Variants in STON2 observed in about 807,000 individuals in gnomAD.
The protein encoded by STON2 is stonin-2.
STON2 carries 29 observed loss-of-function variants against 65.7 expected under a neutral mutation model. The ratio of observed to expected loss-of-function variants is 0.44; its 90% CI spans 0.33 to 0.60. The LOEUF (loss-of-function observed/expected upper bound fraction) is 0.60, where lower values mean the gene tolerates loss of function less well. Ranked by LOEUF, STON2 falls within the 20% of genes least tolerant of loss-of-function variation. The pLI is 0.03. For synonymous variants in STON2, 404 were observed against 414.2 expected (o/e 0.98, Z 0.30); for missense variants, 1,054 against 1,118.1 (o/e 0.94, Z 0.82).
rs1894948243 is a variant in STON2 at position 81,278,236 on chromosome 14, G to A, written c.1246C>T (p.Leu416Phe). Residue 416 changes from leucine (L) to phenylalanine (F), a missense_variant, in exon 6 of 8, where the codon CTC (leucine) becomes TTC (phenylalanine). By Grantham distance (22) the Leu-to-Phe change is conservative. Transcript: ENST00000614646. ...ATGGCATCCTGGTAGATGACAATGA[G>A]GGAATCTCTTTGGCTTTTGCCCGTG... Reference protein sequence around the residue: ...STTGKSQRDSLIVIYQDAISF... With the variant: ...STTGKSQRDSFIVIYQDAISF... 1 of 1,614,144 alleles carries A rather than the reference G, an allele frequency of 6.2e-7. No individual in the cohort carries two copies. Among genetic ancestry groups the A allele is most frequent in the Non-Finnish European group, 8.5e-7 (1 of 1,180,036 alleles).
At chr14:81,316,500 T>C (rs1189652957) in intron 5 of STON2, among the ~76,000 whole-genome samples, 1 of 152,188 alleles carries the variant, frequency 6.6e-6, no homozygotes, top group Non-Finnish European at 1.5e-5. Context: ...CTATACTCAG[T>C]AAGTAATGCT....
chr14:81,431,180 G>C (rs1902210396), intron 1 of STON2, among the ~76,000 whole-genome samples: 1 of 152,206 alleles, frequency 6.6e-6, no homozygotes, highest in South Asian at 2.1e-4. Context: ...CCACCTCTGG[G>C]AAGGTACACA....
intron 3 of STON2, among the ~76,000 whole-genome samples, chr14:81,379,224 C>T (rs1899398158): frequency 6.6e-6 from 1 of 151,984 alleles, no homozygotes; most frequent in Admixed American, 6.6e-5. Flanking sequence ...TTTCTGAAAG[C>T]CAGCAAGAAA....
intron 4 of STON2, among the ~76,000 whole-genome samples, chr14:81,363,513 G>C (rs1898589176): frequency 6.6e-6 from 1 of 151,596 alleles, no homozygotes; most frequent in Non-Finnish European, 1.5e-5. Context: ...AGAGTTTTTT[G>C]GTTTTAATAA....
At chr14:81,420,181 C>T (rs933654726) in intron 2 of STON2, among the ~76,000 whole-genome samples, 4 of 152,162 alleles carry the variant, frequency 2.6e-5, no homozygotes, top group Admixed American at 6.5e-5. Context: ...GTAGTAGCCT[C>T]GGATGGCCGA....
intron 5 of STON2, among the ~76,000 whole-genome samples, chr14:81,301,745 G>GA (rs1895978500): frequency 6.6e-6 from 1 of 152,172 alleles, no homozygotes; most frequent in African/African-American, 2.4e-5. Flanking sequence ...GTGAGAACTG[G>GA]AAAAAATACA....
chr14:81,350,000 T>C (rs774467888), intron 4 of STON2, among the ~76,000 whole-genome samples: 6 of 152,140 alleles, frequency 3.9e-5, no homozygotes, highest in Non-Finnish European at 5.9e-5. Context: ...GGGCAAGTTC[T>C]CACTCATTTG....
chr14:81,388,160 G>T (rs1397335958), intron 3 of STON2, among the ~76,000 whole-genome samples: 1 of 151,660 alleles, frequency 6.6e-6, no homozygotes, highest in Non-Finnish European at 1.5e-5. Context: ...ATGTTGGCCA[G>T]GCTGGTCTCA....
chr14:81,433,652 A>G (rs1050020542), intron 1 of STON2, among the ~76,000 whole-genome samples: 1 of 152,188 alleles, frequency 6.6e-6, no homozygotes, highest in Non-Finnish European at 1.5e-5. Flanking sequence ...GCTACTTCTG[A>G]GCAGACTTTA....
At chr14:81,343,765 A>G (rs904602133) in intron 4 of STON2, among the ~76,000 whole-genome samples, 3 of 152,190 alleles carry the variant, frequency 2.0e-5, no homozygotes, top group African/African-American at 7.2e-5. Flanking sequence ...TATTCCAGGC[A>G]TTTTATGTAC....
intron 5 of STON2, among the ~76,000 whole-genome samples, chr14:81,322,581 C>A (rs973585989): frequency 1.3e-5 from 2 of 152,160 alleles, no homozygotes; most frequent in Non-Finnish European, 2.9e-5. Flanking sequence ...ATTATCACCA[C>A]AGGAACACTG....
At chr14:81,364,759 A>C (rs1898644682) in intron 4 of STON2, among the ~76,000 whole-genome samples, 1 of 152,190 alleles carries the variant, frequency 6.6e-6, no homozygotes, top group Non-Finnish European at 1.5e-5. Flanking sequence ...TGGCCCCAGC[A>C]TCTGGATCTT....
At chr14:81,336,674 G>A (rs1277361477) in intron 4 of STON2, among the ~76,000 whole-genome samples, 1 of 151,828 alleles carries the variant, frequency 6.6e-6, no homozygotes, top group African/African-American at 2.4e-5. Context: ...AGGGAATCAG[G>A]ACCACAAGCA....
chr14:81,423,965 A>T (rs1182197319), intron 2 of STON2, among the ~76,000 whole-genome samples: 2 of 152,166 alleles, frequency 1.3e-5, no homozygotes, highest in Non-Finnish European at 1.5e-5. Flanking sequence ...TGAGGTTTTG[A>T]TACATGAAAT....
intron 3 of STON2, among the ~76,000 whole-genome samples, chr14:81,377,773 T>C (rs968411457): frequency 1.3e-5 from 2 of 152,218 alleles, no homozygotes; most frequent in Non-Finnish European, 2.9e-5. Context: ...ATATTGAATA[T>C]CTTTTCATGT....
chr14:81,263,164 C>T lies in STON2; in HGVS notation c.*5250G>A. The stretch of plus-strand genomic sequence containing the variant: ...CTGTTAAATTGCATTCTGGACATGA[C>T]CTAAGGCTAGCTTGTCCAACCCTTG... On this transcript the variant is annotated 3_prime_UTR_variant, in exon 8 of 8. Transcript: ENST00000614646. The T allele has an allele frequency of 3.0e-6, 3 of 985,318 alleles. No individual in the cohort carries two copies. Among genetic ancestry groups the T allele is most frequent in the Non-Finnish European group, 3.6e-6 (3 of 829,890 alleles). The allele number at this position is 985,318 out of a possible 1,614,324, so 61.0% of individuals were successfully genotyped here.
chr14:81,289,296 T>C (rs529488358), intron 5 of STON2, among the ~76,000 whole-genome samples: 1 of 152,250 alleles, frequency 6.6e-6, no homozygotes, highest in South Asian at 2.1e-4. Flanking sequence ...TCAGGCTTTG[T>C]AAGATGATTC....
intron 5 of STON2, among the ~76,000 whole-genome samples, chr14:81,312,748 C>T (rs2140218373): frequency 6.6e-6 from 1 of 152,314 alleles, no homozygotes; most frequent in Non-Finnish European, 1.5e-5. Context: ...TTGTATTGAC[C>T]ATAACTACTG....
chr14:81,399,079 C>CA (rs1900473463), intron 1 of STON2, among the ~76,000 whole-genome samples: 1 of 152,036 alleles, frequency 6.6e-6, no homozygotes, highest in Admixed American at 6.6e-5. Context: ...GTTTATCAAT[C>CA]AAGAAAAATA....
Sources: allele counts gnomAD v4.1 joint callset (sites outside exome capture counted in the v4.1 genomes callset), GRCh38; gene constraint gnomAD v4.1.1; transcripts MANE v1.5; gene names NCBI Gene and HGNC (gene_info 2026-07-23, HGNC 2026-07-21).